Variants in C10orf90 observed in about 807,000 individuals in gnomAD.
C10orf90 encodes chromosome 10 open reading frame 90, also known as (E2-independent) E3 ubiquitin-conjugating enzyme FATS.
C10orf90 carries 56 observed loss-of-function variants against 62.5 expected under a neutral mutation model. The ratio of observed to expected loss-of-function variants is 0.90; its 90% CI spans 0.72 to 1.12. The LOEUF (loss-of-function observed/expected upper bound fraction) is 1.12. Ranked by LOEUF, C10orf90 falls within the 50% of genes most tolerant of loss-of-function variation. The pLI, the probability that C10orf90 is intolerant of heterozygous loss-of-function variation, is 0.00. For synonymous variants in C10orf90, 386 were observed against 340.4 expected, an observed-to-expected ratio of 1.13 and a Z score of -1.47; for missense variants, 970 against 880.4, an observed-to-expected ratio of 1.10 and a Z score of -1.29.
chr10:126,592,782 G>A (rs769192796), intron 2 of C10orf90, among the ~76,000 whole-genome samples: 12 of 152,138 alleles, frequency 7.9e-5, no homozygotes, highest in Non-Finnish European at 1.3e-4. Flanking sequence ...GAAAATTTTT[G>A]CAGTCTCTCC....
At chr10:126,489,452 A>G (rs571859352) in intron 4 of C10orf90, among the ~76,000 whole-genome samples, 7 of 152,300 alleles carry the variant, frequency 4.6e-5, no homozygotes, top group African/African-American at 1.4e-4. Context: ...AATGACCAAC[A>G]AAAACATGGA....
At chr10:126,658,102 G>T (rs1846433436) in intron 1 of C10orf90, among the ~76,000 whole-genome samples, 1 of 152,324 alleles carries the variant, frequency 6.6e-6, no homozygotes, top group Non-Finnish European at 1.5e-5. Flanking sequence ...GTGAGTACAA[G>T]GTGAGCGCAT....
At chr10:126,487,722 T>C (rs1393392667) in intron 4 of C10orf90, among the ~76,000 whole-genome samples, 6 of 152,090 alleles carry the variant, frequency 3.9e-5, no homozygotes, top group Admixed American at 3.3e-4. Context: ...TTTAGGAAGG[T>C]AAAAATTGAT....
At chr10:126,643,322 C>G (rs1181239074) in intron 2 of C10orf90, among the ~76,000 whole-genome samples, 1 of 152,202 alleles carries the variant, frequency 6.6e-6, no homozygotes, top group Non-Finnish European at 1.5e-5. Context: ...GGGTCTTCCC[C>G]ATTCCTGCAT....
chr10:126,555,924 G>A lies in C10orf90; in HGVS notation c.314-41985C>T, dbSNP rs529404788. ...TACTCCGCAAAGATATCACTCTGTC[G>A]ATGCCAGAATCCATTTCACACTTTA... On this transcript the variant is annotated intron_variant, in intron 2 of 9. Transcript: ENST00000488181. Among the ~76,000 whole-genome samples the A allele has an allele frequency of 2.2e-3, 337 of 152,172 alleles. 1 individual carries two copies. Among genetic ancestry groups the A allele is most frequent in the African/African-American group, 7.1e-3 (294 of 41,524 alleles).
intron 4 of C10orf90, among the ~76,000 whole-genome samples, chr10:126,472,822 A>ATG (rs140012099): frequency 2.0e-5 from 3 of 151,778 alleles, no homozygotes; most frequent in East Asian, 1.9e-4. Flanking sequence ...GCAAGCATGC[A>ATG]TGTGTGTGTG....
intron 2 of C10orf90, among the ~76,000 whole-genome samples, chr10:126,565,672 G>C (rs1308967711): frequency 6.6e-6 from 1 of 151,668 alleles, no homozygotes; most frequent in Non-Finnish European, 1.5e-5. Context: ...TGAACAAATT[G>C]GAAACAGAAA....
intron 2 of C10orf90, among the ~76,000 whole-genome samples, chr10:126,598,864 T>C (rs1391145926): frequency 6.6e-6 from 1 of 152,196 alleles, no homozygotes; most frequent in Non-Finnish European, 1.5e-5. Context: ...GCTTTTTTCT[T>C]TCCTTTTTTC....
At position 126,504,444 on chromosome 10, in the gene C10orf90, G is replaced by T; in HGVS notation, c.1047C>A (p.Val349=). The T allele has an allele frequency of 6.2e-7, 1 of 1,614,238 alleles. No individual in the cohort carries two copies. The change falls in exon 4 of 10, where the codon GTC becomes GTA. Residue 349 remains valine (V), a synonymous_variant. Coordinates refer to ENST00000488181, the MANE Select transcript of C10orf90 (RefSeq NM_001350921.2). This position sits in a 1 kb window ranked among gnomAD's most constrained non-coding sequence, Gnocchi z 4.1. The part of the protein sequence containing the change: ...GKSPLVFSSC[V]HLRVSQQCPD... ...GACACTGCTGAGACACCCTGAGGTG[G>T]ACACAGGAACTGAACACCAGCGGGC...
At position 126,453,036 on chromosome 10, in the gene C10orf90, G is replaced by C. The variant is rs368642870; in HGVS notation, c.2188+6004C>G. The stretch of plus-strand genomic sequence containing the variant: ...ACCTCTGTCTCCTGTCTCCTGGGTC[G>C]CATCTTCAGCTAGATGCTCTGGGAA... On this transcript the variant is annotated intron_variant, in intron 7 of 9. Coordinates refer to ENST00000488181, the MANE Select transcript of C10orf90 (RefSeq NM_001350921.2). The surrounding 1 kb of genome is among the most constrained non-coding windows in gnomAD (Gnocchi z 4.9). Among the ~76,000 whole-genome samples, 114 of 152,196 alleles carry C rather than the reference G, an allele frequency of 7.5e-4. 3 individuals carry two copies. In the South Asian group the frequency reaches 0.018, roughly 24 times the overall value.
At chr10:126,604,422 A>G (rs2134045679) in intron 2 of C10orf90, among the ~76,000 whole-genome samples, 1 of 152,362 alleles carries the variant, frequency 6.6e-6, no homozygotes, top group South Asian at 2.1e-4. Flanking sequence ...TTGAAAGAAA[A>G]AAAATACACC....
At chr10:126,455,543 C>T (rs1859495393) in intron 7 of C10orf90, among the ~76,000 whole-genome samples, 1 of 152,216 alleles carries the variant, frequency 6.6e-6, no homozygotes, top group Admixed American at 6.5e-5. Context: ...ACAAGGTACG[C>T]TGAAGAGATG....
chr10:126,531,766 A>G (rs1864101656), intron 2 of C10orf90, among the ~76,000 whole-genome samples: 1 of 152,212 alleles, frequency 6.6e-6, no homozygotes, highest in Non-Finnish European at 1.5e-5. Context: ...ATAAAAGAAA[A>G]AGAAGGTAAA....
At chr10:126,591,785 G>T (rs188996633) in intron 2 of C10orf90, among the ~76,000 whole-genome samples, 4 of 152,002 alleles carry the variant, frequency 2.6e-5, no homozygotes, top group Admixed American at 2.0e-4. Flanking sequence ...ATATGATCCC[G>T]TATCTAGAAA....
At chr10:126,602,995 GAGAC>G (rs1462919468) in intron 2 of C10orf90, among the ~76,000 whole-genome samples, 3 of 152,074 alleles carry the variant, frequency 2.0e-5, no homozygotes, top group East Asian at 1.9e-4. Flanking sequence ...CAGAGTGAGA[GAGAC>G]AGACAGAGGG....
intron 3 of C10orf90, among the ~76,000 whole-genome samples, chr10:126,506,377 T>C (rs936053309): frequency 6.6e-6 from 1 of 152,246 alleles, no homozygotes. Context: ...TAGACGTTCA[T>C]TATGGAACAT....
At chr10:126,479,768 G>C (rs1242843185) in intron 4 of C10orf90, among the ~76,000 whole-genome samples, 1 of 152,162 alleles carries the variant, frequency 6.6e-6, no homozygotes, top group Non-Finnish European at 1.5e-5. Flanking sequence ...ATGCAGAGAA[G>C]GAAAACATAT....
At chr10:126,490,766 G>C (rs1323976060) in intron 4 of C10orf90, among the ~76,000 whole-genome samples, 2 of 151,996 alleles carry the variant, frequency 1.3e-5, no homozygotes, top group African/African-American at 4.8e-5. Context: ...AATCCCCACA[G>C]CTAACAAAGG....
At chr10:126,632,483 T>C (rs747290093) in intron 2 of C10orf90, among the ~76,000 whole-genome samples, 3 of 151,754 alleles carry the variant, frequency 2.0e-5, no homozygotes, top group Non-Finnish European at 2.9e-5. Flanking sequence ...ATCTCAGTAT[T>C]ATCTACCAAA....
Sources: allele counts gnomAD v4.1 joint callset (sites outside exome capture counted in the v4.1 genomes callset), GRCh38; gene constraint gnomAD v4.1.1; non-coding constraint Gnocchi (gnomAD v3.1); transcripts MANE v1.5; gene names NCBI Gene and HGNC (gene_info 2026-07-23, HGNC 2026-07-21).